The following FGFR1OP2 variants were observed in gnomAD, a reference collection of about 807,000 sequenced individuals.
The protein encoded by FGFR1OP2 is fibroblast growth factor receptor 1 oncogene partner 2.
Under a neutral mutation model 35.2 loss-of-function variants are expected in FGFR1OP2, and 17 were observed. That is an observed-to-expected ratio of 0.48 (90% confidence interval 0.33 to 0.73). The LOEUF (loss-of-function observed/expected upper bound fraction) is 0.73, where lower values mean the gene tolerates loss of function less well. Ranked by LOEUF, FGFR1OP2 falls within the 30% of genes least tolerant of loss-of-function variation. The probability of loss-of-function intolerance (pLI) is 0.02; values close to 1 mark genes in which losing one functional copy is unlikely to be tolerated. For missense variants in FGFR1OP2, 251 were observed against 307.3 expected (o/e 0.82, Z 1.37); for synonymous variants, 105 against 104.6 (o/e 1.00, Z -0.03).
chr12:26,961,124 C>T (rs1939100192), intron 5 of FGFR1OP2: 1 of 152,360 alleles, frequency 6.6e-6, no homozygotes, highest in Admixed American at 6.5e-5. Context: ...TTTTAACTCA[C>T]TTGTGGCAGG....
chr12:26,939,123 C>T (rs893969050), intron 1 of FGFR1OP2, among the ~76,000 whole-genome samples: 5 of 152,130 alleles, frequency 3.3e-5, no homozygotes, highest in Admixed American at 3.3e-4. Flanking sequence ...CTCTTCCTGC[C>T]TTTCTTCTCT....
rs1939151850 is a variant in FGFR1OP2, at chr12:26,964,792, A to C, written c.*59A>C. 6.4e-7 allele frequency: 1 copy of C among 1,552,128 alleles called. No individual in the cohort carries two copies. Among genetic ancestry groups the C allele is most frequent in the Admixed American group, 1.8e-5 (1 of 55,362 alleles). ...TCCAAATGGTCAAATAAGTGAATGA[A>C]TGAATGGACAGAAAATTCAATCCTT... On this transcript the variant is annotated 3_prime_UTR_variant, in exon 7 of 7. Transcript: ENST00000229395.
At chr12:26,962,043 T>C (rs1939112230) in intron 5 of FGFR1OP2, 1 of 152,252 alleles carries the variant, frequency 6.6e-6, no homozygotes. Context: ...GAATGTTTTT[T>C]ATCTGTGCTG....
At chr12:26,940,177 G>A (rs78102086) in intron 1 of FGFR1OP2, among the ~76,000 whole-genome samples, 6,710 of 152,258 alleles carry the variant, frequency 0.044, 243 homozygotes, top group East Asian at 0.15. Context: ...TAGCCTGTAG[G>A]TTAGAAATAA....
At position 26,941,355 on chromosome 12, in the gene FGFR1OP2, G is replaced by A. The variant is rs530902649; in HGVS notation, c.-15+2645G>A. On this transcript the variant is annotated intron_variant, in intron 1 of 6. Transcript: ENST00000229395. ...GGGAAGCACAATGGTCTTCAAAAAA[G>A]GTGATAAAGTAAATGCATATTATAA... 5.8e-4 allele frequency among the ~76,000 whole-genome samples: 89 copies of A among 152,232 alleles called. 1 individual carries two copies. The highest frequency in any genetic ancestry group is 2.0e-3 in the African/African-American group (84 of 41,536).
chr12:26,960,728 A>C (rs890361044), intron 5 of FGFR1OP2, 100 bp downstream of exon 5: 32 of 1,437,112 alleles, frequency 2.2e-5, no homozygotes, highest in Non-Finnish European at 2.7e-5. Flanking sequence ...TAGATCAGCA[A>C]ATAAATGAAA....
chr12:26,963,527 T>C (rs1939133573), intron 6 of FGFR1OP2, 72 bp downstream of exon 6: 2 of 955,512 alleles, frequency 2.1e-6, no homozygotes, highest in East Asian at 5.5e-5. Flanking sequence ...ATATCCCATT[T>C]TTAAATATAT....
chr12:26,964,879 A>T lies in FGFR1OP2; in HGVS notation c.*146A>T, dbSNP rs534810015. 2.0e-4 allele frequency: 143 copies of T among 720,764 alleles called. 1 individual carries two copies. Among genetic ancestry groups the T allele is most frequent in the Non-Finnish European group, 1.3e-4 (60 of 461,576 alleles). 44.6% of individuals were successfully genotyped at this position (720,764 alleles called of 1,614,324 possible). On this transcript the variant is annotated 3_prime_UTR_variant, in exon 7 of 7. Coordinates refer to ENST00000229395, the MANE Select transcript of FGFR1OP2 (RefSeq NM_015633.3). ...TATGAGATAGCAACAAAAAATGCAT[A>T]GTTAATGGTCATAGACTTTATTCCA...
chr12:26,961,408 C>G (rs1208170224), intron 5 of FGFR1OP2: 1 of 152,120 alleles, frequency 6.6e-6, no homozygotes, highest in Non-Finnish European at 1.5e-5. Flanking sequence ...AGACTTGGTA[C>G]TGAAAAAATC....
chr12:26,941,570 T>C (rs1938734998), intron 1 of FGFR1OP2, among the ~76,000 whole-genome samples: 1 of 152,234 alleles, frequency 6.6e-6, no homozygotes, highest in African/African-American at 2.4e-5. Flanking sequence ...TTGATTTTGA[T>C]AGTAGTATTT....
chr12:26,963,030 AGT>A, intron 5 of FGFR1OP2: 2 of 184,104 alleles, frequency 1.1e-5, no homozygotes, highest in Non-Finnish European at 2.2e-5. Context: ...TTTGAACAAT[AGT>A]GTATGTAAGT....
intron 5 of FGFR1OP2, 24 bp downstream of exon 5, chr12:26,960,652 T>C: frequency 6.3e-7 from 1 of 1,597,696 alleles, no homozygotes; most frequent in Non-Finnish European, 8.6e-7. Context: ...ACAGTCAACT[T>C]TTGGGGTGTG....
chr12:26,940,529 A>G (rs934618428), intron 1 of FGFR1OP2, among the ~76,000 whole-genome samples: 4 of 152,220 alleles, frequency 2.6e-5, no homozygotes, highest in African/African-American at 7.2e-5. Context: ...TATGAAAACC[A>G]TAACTATACC....
chr12:26,944,192 T>A (rs2136348079), intron 1 of FGFR1OP2, among the ~76,000 whole-genome samples: 1 of 152,218 alleles, frequency 6.6e-6, no homozygotes, highest in East Asian at 1.9e-4. Context: ...TTCTTTGGGG[T>A]TTTCTACATA....
chr12:26,951,103 C>T (rs374665279), intron 1 of FGFR1OP2, among the ~76,000 whole-genome samples: 31 of 151,896 alleles, frequency 2.0e-4, no homozygotes, highest in African/African-American at 7.5e-4. Context: ...TATAATTGCT[C>T]GGAGGCAGGG....
At position 26,956,585 on chromosome 12, in the gene FGFR1OP2, C is replaced by T. The variant is rs761470386; in HGVS notation, c.178C>T (p.Arg60Trp). ...AGAACTTAATGAAGTCGCGAGACAT[C>T]GGCCACGGTCCACGTTAGTTATGGG... is the stretch of plus-strand genomic sequence containing the variant. ...IQELNEVARH[R>W]PRSTLVMGIQ... The change falls in exon 3 of 7, where the codon CGG (arginine) becomes TGG (tryptophan). Residue 60 changes from arginine to tryptophan, a missense_variant. Coordinates refer to ENST00000229395, the MANE Select transcript of FGFR1OP2 (RefSeq NM_015633.3). The T allele has an allele frequency of 3.0e-5, 48 of 1,597,402 alleles. No individual in the cohort carries two copies. The highest frequency in any genetic ancestry group is 4.1e-5 in the Non-Finnish European group (48 of 1,172,012).
In FGFR1OP2 at chr12:26,938,490, C is replaced by G. The variant is rs556596224; in HGVS notation, c.-235C>G. On this transcript the variant is annotated 5_prime_UTR_variant, in exon 1 of 7. Transcript: ENST00000229395. ...GCTGGAGTTCTCCGGGAGCGCCGGTCGGAGGCGGTCGGCGGAGGTGTCTAC... is the reference window on the plus strand; with the variant it reads ...GCTGGAGTTCTCCGGGAGCGCCGGTGGGAGGCGGTCGGCGGAGGTGTCTAC... The G allele has an allele frequency of 2.0e-5, 3 of 152,372 alleles. No homozygotes were observed. Among genetic ancestry groups the G allele is most frequent in the South Asian group, 2.1e-4 (1 of 4,826 alleles). The allele number at this position is 152,372 out of a possible 1,614,324, so 9.4% of individuals were successfully genotyped here.
intron 4 of FGFR1OP2, 122 bp from the exon 5 acceptor site, chr12:26,960,393 T>C: frequency 1.8e-6 from 1 of 554,932 alleles, no homozygotes; most frequent in Non-Finnish European, 2.9e-6. Context: ...CAGATGCCTT[T>C]TTGGAAATCT....
At chr12:26,939,124 T>G (rs931746103) in intron 1 of FGFR1OP2, among the ~76,000 whole-genome samples, 2 of 152,198 alleles carry the variant, frequency 1.3e-5, no homozygotes, top group Non-Finnish European at 2.9e-5. Context: ...TCTTCCTGCC[T>G]TTCTTCTCTA....
Sources: gnomAD v4.1 joint callset for allele counts (sites outside exome capture counted in the v4.1 genomes callset) on GRCh38, gnomAD v4.1.1 for gene constraint, MANE v1.5 for transcripts, NCBI Gene and HGNC (gene_info 2026-07-23, HGNC 2026-07-21) for gene names.